The following WDR20 variants were observed in gnomAD, a reference collection of about 807,000 sequenced individuals.
The protein encoded by WDR20 is WD repeat-containing protein 20.
Under a neutral mutation model 38.7 loss-of-function variants are expected in WDR20, and 3 were observed. The observed-to-expected ratio is 0.08, with a 90% CI of 0.04 to 0.20. The LOEUF is 0.20. Among genes scored for constraint, WDR20 ranks in the 10% least tolerant of loss-of-function variants. The pLI is 1.00. For missense variants in WDR20, 559 were observed against 727.7 expected (o/e 0.77, Z 2.67); for synonymous variants, 298 against 285.6 (o/e 1.04, Z -0.44).
rs2063882916 is a variant in WDR20 at position 102,221,426 on chromosome 14, T to C, written c.1693-1404T>C. Among the ~76,000 whole-genome samples the C allele has an allele frequency of 6.6e-6, 1 of 152,214 alleles. No homozygotes were observed. Among genetic ancestry groups the C allele is most frequent in the South Asian group, 2.1e-4 (1 of 4,826 alleles). On this transcript the variant is annotated intron_variant, in intron 3 of 3. Coordinates refer to the WDR20 transcript ENST00000335263. This position sits in a 1 kb window ranked among gnomAD's most constrained non-coding sequence, Gnocchi z 4.8. Reference sequence around the variant, plus strand: ...TGTGAGAGGCTTCCTTCCTCCAGACTGTCTGCGGCAGAAGTGGGGTCAGGA... The same window carrying C: ...TGTGAGAGGCTTCCTTCCTCCAGACCGTCTGCGGCAGAAGTGGGGTCAGGA...
intron 1 of WDR20, among the ~76,000 whole-genome samples, chr14:102,156,724 C>T (rs965375167): frequency 4.6e-5 from 7 of 151,658 alleles, no homozygotes; most frequent in African/African-American, 7.3e-5. Context: ...GGGCCAGGTG[C>T]GGTGGCTCAT....
chr14:102,139,688 G>A (rs1266438876), upstream of WDR20: 8 of 674,852 alleles, frequency 1.2e-5, no homozygotes, highest in Admixed American at 2.4e-4. Flanking sequence ...GCCACACCCG[G>A]GGGAGGAGCC....
In WDR20 at chr14:102,208,059, G is replaced by C. The variant is rs531461549; in HGVS notation, c.433-544G>C. ...TTGTGTGTGCTGCCAGCCATGGACT[G>C]TGGATTTCACTCCCCACCTTCGAGC... is the stretch of plus-strand genomic sequence containing the variant. On this transcript the variant is annotated intron_variant, in intron 2 of 2. Transcript: ENST00000342702. The surrounding 1 kb of genome is among the most constrained non-coding windows in gnomAD (Gnocchi z 5.6). Among the ~76,000 whole-genome samples the C allele has an allele frequency of 2.2e-4, 33 of 152,298 alleles. No homozygotes were observed. The highest frequency in any genetic ancestry group is 3.4e-4 in the Non-Finnish European group (23 of 68,032).
chr14:102,190,798 C>T (rs754559283), intron 1 of WDR20, among the ~76,000 whole-genome samples: 11 of 151,540 alleles, frequency 7.3e-5, no homozygotes, highest in Non-Finnish European at 1.3e-4. Context: ...GTCAGGAGTT[C>T]GAGACCAGCA....
intron 1 of WDR20, among the ~76,000 whole-genome samples, chr14:102,177,781 G>A (rs1250594305): frequency 6.6e-6 from 1 of 152,140 alleles, no homozygotes; most frequent in African/African-American, 2.4e-5. Flanking sequence ...GCAAATTTGG[G>A]GGAAGTTAGT....
intron 1 of WDR20, among the ~76,000 whole-genome samples, chr14:102,159,023 A>G (rs762038415): frequency 6.6e-6 from 1 of 151,766 alleles, no homozygotes; most frequent in Admixed American, 6.6e-5. Context: ...GCTCACCGCA[A>G]CCTTTAACTC....
chr14:102,180,695 A>T (rs2063205048), intron 1 of WDR20, among the ~76,000 whole-genome samples: 1 of 152,162 alleles, frequency 6.6e-6, no homozygotes, highest in South Asian at 2.1e-4. Flanking sequence ...GAGAGATCAG[A>T]TCTTGCTGTG....
chr14:102,158,128 T>C (rs182496846), intron 1 of WDR20, among the ~76,000 whole-genome samples: 1 of 152,256 alleles, frequency 6.6e-6, no homozygotes, highest in East Asian at 1.9e-4. Flanking sequence ...GATCCCAGTC[T>C]TGGCTAAAGT....
chr14:102,198,804 T>C (rs1271633084), intron 2 of WDR20, among the ~76,000 whole-genome samples: 1 of 152,170 alleles, frequency 6.6e-6, no homozygotes, highest in African/African-American at 2.4e-5. Context: ...AAATCAGGTT[T>C]CTGGGTGTCT....
rs753997761 is a variant in WDR20, at chr14:102,209,852, C to T, written c.1682C>T (p.Pro561Leu). The change falls in exon 3 of 3, where the codon CCT becomes CTT. Residue 561 changes from proline (P) to leucine (L), a missense_variant. By Grantham distance (98) the Pro-to-Leu change is moderately conservative (BLOSUM62 -3). Transcript: ENST00000342702. The surrounding 1 kb of genome is among the most constrained non-coding windows in gnomAD (Gnocchi z 6.0). ...GGATTTATTTGCACATGGGGAAGGC[C>T]TGGTAAAGTGGTAAGTTTTAATCCT... Reference protein sequence around the residue: ...QEGFICTWGRPGKVVSFNP With the variant: ...QEGFICTWGRLGKVVSFNP The T allele has an allele frequency of 6.2e-7, 1 of 1,611,872 alleles. No homozygotes were observed. The highest frequency in any genetic ancestry group is 1.3e-5 in the African/African-American group (1 of 74,886).
intron 2 of WDR20, among the ~76,000 whole-genome samples, chr14:102,203,303 T>C (rs1434547332): frequency 1.3e-5 from 2 of 152,298 alleles, no homozygotes; most frequent in Admixed American, 6.5e-5. Context: ...TACTGTATTT[T>C]ATATATATAT....
intron 1 of WDR20, among the ~76,000 whole-genome samples, chr14:102,148,899 C>T (rs1028093192): frequency 3.0e-4 from 45 of 152,106 alleles, no homozygotes; most frequent in Admixed American, 3.3e-4. Context: ...CGGTGGCTCA[C>T]GCTTGTAATC....
chr14:102,197,083 T>G (rs935402835), intron 2 of WDR20, among the ~76,000 whole-genome samples: 14 of 152,122 alleles, frequency 9.2e-5, no homozygotes, highest in Admixed American at 2.0e-4. Context: ...CATTTACAGG[T>G]TTCAAGGCAC....
At position 102,149,717 on chromosome 14, in the gene WDR20, G is replaced by A. The variant is rs539294032; in HGVS notation, c.249+9545G>A. Among the ~76,000 whole-genome samples the A allele has an allele frequency of 5.3e-5, 8 of 152,116 alleles. No individual in the cohort carries two copies. The East Asian group carries it at 5.8e-4, about 11-fold the overall frequency. On this transcript the variant is annotated intron_variant, in intron 1 of 2. Transcript: ENST00000342702. ...TTTTATTTATTTATTTATTTGAGAC[G>A]GAGTCTCACTCTGTCGCCCAGGCTG...
chr14:102,220,053 C>T lies in WDR20; in HGVS notation c.1693-2777C>T, dbSNP rs1411365044. ...ATGGGAGAATAGGAAGCCTGCAGCC[C>T]TCGCGTTGGGTCGCTTTCTAGGGGT... On this transcript the variant is annotated intron_variant, in intron 3 of 3. Transcript: ENST00000335263. The surrounding 1 kb of genome is among the most constrained non-coding windows in gnomAD (Gnocchi z 4.2). Among the ~76,000 whole-genome samples the T allele has an allele frequency of 1.3e-5, 2 of 152,258 alleles. No homozygotes were observed. Among genetic ancestry groups the T allele is most frequent in the East Asian group, 1.9e-4 (1 of 5,196 alleles).
At chr14:102,155,900 AGGTAGATG>A (rs944516416) in intron 1 of WDR20, among the ~76,000 whole-genome samples, 3 of 149,896 alleles carry the variant, frequency 2.0e-5, no homozygotes, top group African/African-American at 7.4e-5. Context: ...TGACTTTCTC[AGGTAGATG>A]GGTCTACATG....
In WDR20 at chr14:102,140,092, G is replaced by A. The variant is rs1375552203; in HGVS notation, c.169G>A (p.Asp57Asn). The A allele has an allele frequency of 6.2e-7, 1 of 1,614,124 alleles. No homozygotes were observed. Among genetic ancestry groups the A allele is most frequent in the South Asian group, 1.1e-5 (1 of 91,066 alleles). The change falls in exon 1 of 3, where the codon GAC becomes AAC. Residue 57 changes from aspartate (D) to asparagine (N), a missense_variant. Coordinates refer to ENST00000342702, the MANE Select transcript of WDR20 (RefSeq NM_144574.4). ...PVRVSFVNLN[D>N]QSGNGDRLCF... Reference sequence around the variant, plus strand: ...CCGCGTCTCCTTCGTAAACCTCAACGACCAGTCTGGCAACGGCGACCGCCT... The same window carrying A: ...CCGCGTCTCCTTCGTAAACCTCAACAACCAGTCTGGCAACGGCGACCGCCT...
Position 102,208,910 on chromosome 14 carries a change from T to A in WDR20, c.740T>A (p.Phe247Tyr), listed in dbSNP as rs756681500. 2.5e-6 allele frequency: 4 copies of A among 1,614,064 alleles called. No homozygotes were observed. ...AGCCAGGACGGGTTTCTGCGGGTGT[T>A]CAACTTTGACTCAGTGGAGCTGCAC... ...CVSQDGFLRV[F>Y]NFDSVELHGT... Residue 247 changes from phenylalanine to tyrosine, a missense_variant, in exon 3 of 3, where the codon TTC (phenylalanine) becomes TAC (tyrosine). By Grantham distance (22) the Phe-to-Tyr change is conservative. Transcript: ENST00000342702. This position sits in a 1 kb window ranked among gnomAD's most constrained non-coding sequence, Gnocchi z 5.6.
In WDR20 at chr14:102,150,990, G is replaced by A. The variant is rs1228597922; in HGVS notation, c.249+10818G>A. Among the ~76,000 whole-genome samples, 4 of 152,176 alleles carry A rather than the reference G, an allele frequency of 2.6e-5. No homozygotes were observed. In the East Asian group the frequency reaches 7.7e-4, roughly 29 times the overall value. On this transcript the variant is annotated intron_variant, in intron 1 of 2. Transcript: ENST00000342702. ...AATAAGACATAGTCCCTGGCCCAAA[G>A]TGCCTACAGTCTAGTGGTGAGACAG...
Sources: gnomAD v4.1 joint callset for allele counts (sites outside exome capture counted in the v4.1 genomes callset) on GRCh38, gnomAD v4.1.1 for gene constraint, Gnocchi (gnomAD v3.1) non-coding constraint, MANE v1.5 for transcripts, NCBI Gene and HGNC (gene_info 2026-07-23, HGNC 2026-07-21) for gene names.